Variants in PLCH2 observed in about 807,000 individuals in gnomAD.
PLCH2 encodes phospholipase C eta 2.
In PLCH2, 98 loss-of-function variants were observed where a neutral mutation model predicts 134.7. That is an observed-to-expected ratio of 0.73 (90% CI 0.62 to 0.86). The LOEUF is 0.86. PLCH2 is among the 40% of genes least tolerant of loss of function. The pLI is 0.00. For synonymous variants in PLCH2, 974 were observed against 827.5 expected, an observed-to-expected ratio of 1.18 and a Z score of -3.04; for missense variants, 1,994 against 1,986.6, an observed-to-expected ratio of 1.00 and a Z score of -0.07.
the PLCH2 span, among the ~76,000 whole-genome samples, chr1:2,419,249 C>G: frequency 1.3e-5 from 2 of 152,202 alleles, no homozygotes; most frequent in African/African-American, 2.4e-5. Context: ...CAGTGGAGGC[C>G]TTGGGCTGTG....
chr1:2,450,418 G>T (rs559613562), intron 2 of PLCH2, among the ~76,000 whole-genome samples: 1 of 151,852 alleles, frequency 6.6e-6, no homozygotes, highest in African/African-American at 2.4e-5. Flanking sequence ...GATGTTTCCC[G>T]CGGCATTCAG....
At chr1:2,442,524 G>C (rs1281288999) in intron 2 of PLCH2, among the ~76,000 whole-genome samples, 1 of 152,234 alleles carries the variant, frequency 6.6e-6, no homozygotes, top group Non-Finnish European at 1.5e-5. Flanking sequence ...GGCAGGCAGA[G>C]CTGACGGGCC....
rs1164793182 is a variant in PLCH2 at position 2,495,478 on chromosome 1, C to G, written c.1753-10C>G. On this transcript the variant is annotated splice_polypyrimidine_tract_variant and intron_variant, in intron 12 of 21. Coordinates refer to ENST00000378486, the MANE Select transcript of PLCH2 (RefSeq NM_014638.4). The stretch of plus-strand genomic sequence containing the variant: ...AGGCCCTACAGCTCACACCTCTGCC[C>G]CCCGCACAGAAGAAGGGCAGCAAGC... 2.6e-6 allele frequency: 4 copies of G among 1,550,804 alleles called. No homozygotes were observed. Among genetic ancestry groups the G allele is most frequent in the Non-Finnish European group, 3.5e-6 (4 of 1,146,586 alleles).
rs1643494336 is a variant in PLCH2, at chr1:2,505,513, T to C, written c.*300T>C. The C allele has an allele frequency of 9.0e-6, 4 of 442,406 alleles. No homozygotes were observed. The highest frequency in any genetic ancestry group is 1.6e-5 in the Non-Finnish European group (4 of 249,188). 27.4% of individuals were successfully genotyped at this position (442,406 alleles called of 1,614,324 possible). On this transcript the variant is annotated 3_prime_UTR_variant, in exon 22 of 22. Transcript: ENST00000378486. The stretch of plus-strand genomic sequence containing the variant: ...AAGCAAAACTTATACAACATTAAAA[T>C]GATACCAAGTCCCTTTCCATTTTTA...
At chr1:2,418,372 G>A in the PLCH2 span, among the ~76,000 whole-genome samples, 2 of 152,192 alleles carry the variant, frequency 1.3e-5, no homozygotes, top group Non-Finnish European at 2.9e-5. Context: ...TGGATGCCAG[G>A]GTCAGGCATG....
chr1:2,455,396 C>T (rs1640441695), intron 2 of PLCH2, among the ~76,000 whole-genome samples: 1 of 152,158 alleles, frequency 6.6e-6, no homozygotes, highest in Non-Finnish European at 1.5e-5. Context: ...GGTGTGGGTC[C>T]CCAAATTTGG....
At chr1:2,491,433 C>T in intron 11 of PLCH2, 98 bp downstream of exon 11, 2 of 1,260,488 alleles carry the variant, frequency 1.6e-6, no homozygotes, top group Non-Finnish European at 2.2e-6. Context: ...TCTGTGCGCA[C>T]TCACACCTGT....
Position 2,504,989 on chromosome 1 carries a change from C to T in PLCH2, c.4027C>T (p.His1343Tyr), listed in dbSNP as rs763203925. ...GFVRRSSSRS[H>Y]SRVRAIASRA... Reference sequence around the variant, plus strand: ...TGTGCGGCGCTCCTCCTCCCGCAGCCACAGCCGCGTGCGTGCCATTGCCAG... The same window carrying T: ...TGTGCGGCGCTCCTCCTCCCGCAGCTACAGCCGCGTGCGTGCCATTGCCAG... Residue 1343 changes from histidine (H) to tyrosine (Y), a missense_variant, in exon 22 of 22, where the codon CAC becomes TAC. By Grantham distance (83) the His-to-Tyr change is moderately conservative (BLOSUM62 2). This residue lies in a region of PLCH2 where 900 missense variants were observed against 752.3 expected (regional missense o/e 1.20). Transcript: ENST00000378486. The T allele has an allele frequency of 3.2e-6, 5 of 1,548,416 alleles. No individual in the cohort carries two copies. In the South Asian group the frequency reaches 5.9e-5, roughly 18 times the overall value.
At position 2,487,710 on chromosome 1, in the gene PLCH2, C is replaced by T; in HGVS notation, c.1227C>T (p.Ile409=). 1 of 1,613,096 alleles carries T rather than the reference C, an allele frequency of 6.2e-7. No individual in the cohort carries two copies. The highest frequency in any genetic ancestry group is 8.5e-7 in the Non-Finnish European group (1 of 1,179,730). The part of the protein sequence containing the change: ...VIETINKYAF[I]KNEYPVILSI... The stretch of plus-strand genomic sequence containing the variant: ...AAACCATCAACAAATATGCCTTCAT[C>T]AAGAATGAGTGAGTGGCTGGGCCTA... Residue 409 remains isoleucine, a synonymous_variant, in exon 8 of 22, where the codon ATC becomes ATT. Coordinates refer to ENST00000378486, the MANE Select transcript of PLCH2 (RefSeq NM_014638.4).
chr1:2,503,571 CCT>C (rs1020860580), intron 21 of PLCH2: 7 of 683,924 alleles, frequency 1.0e-5, no homozygotes, highest in Admixed American at 2.1e-5. Flanking sequence ...TCCAGACCCC[CCT>C]GACCAAGCTT....
At chr1:2,467,064 C>A (rs1641089502), upstream of PLCH2, among the ~76,000 whole-genome samples, 1 of 152,132 alleles carries the variant, frequency 6.6e-6, no homozygotes, top group Non-Finnish European at 1.5e-5. Context: ...TGGCTGCAGC[C>A]TGCGGGGCCT....
chr1:2,476,512 C>T lies in PLCH2; in HGVS notation c.-77C>T. 2.9e-6 allele frequency: 4 copies of T among 1,382,366 alleles called. No individual in the cohort carries two copies. The highest frequency in any genetic ancestry group is 3.8e-6 in the Non-Finnish European group (4 of 1,056,166). 85.6% of individuals were successfully genotyped at this position (1,382,366 alleles called of 1,614,324 possible). A position where few individuals can be genotyped will look rare whatever the true frequency, so the allele number is the denominator to read the frequency against. ...ACGGAGGTCCTGTCGCCAGCGCTGCCACTGCCTGACCTCCGCTGCCCGAAG... is the reference window on the plus strand; with the variant it reads ...ACGGAGGTCCTGTCGCCAGCGCTGCTACTGCCTGACCTCCGCTGCCCGAAG... On this transcript the variant is annotated 5_prime_UTR_variant, in exon 1 of 22. Coordinates refer to ENST00000378486, the MANE Select transcript of PLCH2 (RefSeq NM_014638.4).
chr1:2,505,095 C>T lies in PLCH2; in HGVS notation c.4133C>T (p.Thr1378Ile), dbSNP rs931625839. The change falls in exon 22 of 22, where the codon ACC (threonine) becomes ATC (isoleucine). Residue 1378 changes from threonine to isoleucine, a missense_variant. Coordinates refer to ENST00000378486, the MANE Select transcript of PLCH2 (RefSeq NM_014638.4). ...GGACCCCCAGAAGAGGAGCGGGGCA[C>T]CCCCGAGGGCGCCTGCTCCGTGGGC... is the stretch of plus-strand genomic sequence containing the variant. ...RQGPPEEERG[T>I]PEGACSVGHE... 1.9e-6 allele frequency: 3 copies of T among 1,539,770 alleles called. No individual in the cohort carries two copies. Among genetic ancestry groups the T allele is most frequent in the Non-Finnish European group, 2.6e-6 (3 of 1,150,658 alleles).
At chr1:2,430,985 G>C (rs945704713) in intron 2 of PLCH2, among the ~76,000 whole-genome samples, 1 of 152,222 alleles carries the variant, frequency 6.6e-6, no homozygotes, top group South Asian at 2.1e-4. Flanking sequence ...TCTTGGTCGT[G>C]TTGTCACTGT....
rs1643412552 is a variant in PLCH2 at position 2,504,345 on chromosome 1, A to ACCCGCTGTGGCAGCGG, written c.3385_3400dup (p.Leu1134ProfsTer29). ...GTGTACTCCGATGCCACGGGCAGTG[A>ACCCGCTGTGGCAGCGG]CCCGCTGTGGCAGCGGCTGGAGCCA... On this transcript the variant is annotated frameshift_variant, in exon 22 of 22. Coordinates refer to ENST00000378486, the MANE Select transcript of PLCH2 (RefSeq NM_014638.4). LOFTEE classifies it high-confidence loss of function. The ACCCGCTGTGGCAGCGG allele has an allele frequency of 3.1e-6, 5 of 1,610,976 alleles. No homozygotes were observed. In the East Asian group the frequency reaches 1.1e-4, roughly 36 times the overall value.
At chr1:2,470,032 T>C (rs937728603) in intron 1 of PLCH2, among the ~76,000 whole-genome samples, 4 of 152,216 alleles carry the variant, frequency 2.6e-5, no homozygotes, top group African/African-American at 9.6e-5. Context: ...CAGGAGGCTC[T>C]TTCAGCAGGC....
intron 1 of PLCH2, among the ~76,000 whole-genome samples, chr1:2,429,538 AC>A (rs1050694491): frequency 6.6e-6 from 1 of 151,968 alleles, no homozygotes; most frequent in South Asian, 2.1e-4. Flanking sequence ...GTGGGACGGA[AC>A]CCCTGGGCCA....
At position 2,478,456 on chromosome 1, in the gene PLCH2, C is replaced by G. The variant is rs375695463; in HGVS notation, c.125-20C>G. On this transcript the variant is annotated intron_variant, in intron 1 of 21. Coordinates refer to ENST00000378486, the MANE Select transcript of PLCH2 (RefSeq NM_014638.4). ...GAGTGGCTGTGCCTCCGCTGACAGC[C>G]GTGTCTCTCCCGTGTCCAGTGGAGC... The G allele has an allele frequency of 6.2e-7, 1 of 1,611,724 alleles. No homozygotes were observed. Among genetic ancestry groups the G allele is most frequent in the Non-Finnish European group, 8.5e-7 (1 of 1,179,180 alleles).
chr1:2,471,532 G>A (rs1239365464), upstream of PLCH2, among the ~76,000 whole-genome samples: 3 of 152,222 alleles, frequency 2.0e-5, 1 homozygote, highest in South Asian at 4.1e-4. Context: ...CCTCCACACC[G>A]GGTGGCCGGA....
Sources: gnomAD v4.1 joint callset for allele counts (sites outside exome capture counted in the v4.1 genomes callset) on GRCh38, gnomAD v4.1.1 for gene constraint, gnomAD v4.1.1 regional missense constraint, MANE v1.5 for transcripts, NCBI Gene and HGNC (gene_info 2026-07-23, HGNC 2026-07-21) for gene names.